The following WDR35 variants were observed in gnomAD, a reference collection of about 807,000 sequenced individuals.
The protein encoded by WDR35 is WD repeat-containing protein 35.
Under a neutral mutation model 158.3 loss-of-function variants are expected in WDR35, and 118 were observed. That is an observed-to-expected ratio of 0.75 (90% CI 0.64 to 0.87). WDR35 has a LOEUF of 0.87. Among genes scored for constraint, WDR35 ranks in the 40% least tolerant of loss-of-function variants. The probability of loss-of-function intolerance (pLI) is 0.00; values close to 1 mark genes in which losing one functional copy is unlikely to be tolerated. For missense variants in WDR35, 1,263 were observed against 1,405.8 expected (o/e 0.90, Z 1.62); for synonymous variants, 448 against 476.1 (o/e 0.94, Z 0.77).
intron 9 of WDR35, among the ~76,000 whole-genome samples, chr2:19,969,001 G>A (rs1335285530): frequency 6.6e-6 from 1 of 152,202 alleles, no homozygotes; most frequent in Non-Finnish European, 1.5e-5. Context: ...AGGTGAGTTG[G>A]AATATTTATT....
rs201084584 is a variant in WDR35, at chr2:19,936,255, T to C, written c.2378A>G (p.Asn793Ser). ...ADDSLLEQAN[N>S]AIGDYFADRQ... ...ATCAGCAAAGTAGTCTCCAATGGCA[T>C]TGTTGGCTTGTTCCAGGAGACTGTC... Residue 793 changes from asparagine to serine, a missense_variant, in exon 20 of 27, where the codon AAT becomes AGT. Transcript: ENST00000281405. The C allele has an allele frequency of 2.5e-6, 4 of 1,614,004 alleles. No homozygotes were observed. Among genetic ancestry groups the C allele is most frequent in the East Asian group, 4.5e-5 (2 of 44,866 alleles).
Position 19,980,725 on chromosome 2 carries a change from T to C in WDR35, c.273A>G (p.Glu91=), listed in dbSNP as rs1558360162. ...ACATCCACACAATGATAAGCCCGTT[T>C]TCATCACTGGTAGTCAACTTCTGAT... ...EQYQKLTTSD[E]NGLIIVWMLY... Residue 91 remains glutamate, a synonymous_variant, in exon 4 of 27, where the codon GAA becomes GAG. Transcript: ENST00000281405. 1.5e-5 allele frequency: 24 copies of C among 1,613,812 alleles called. No homozygotes were observed. The highest frequency in any genetic ancestry group is 2.0e-5 in the Non-Finnish European group (24 of 1,179,800).
At chr2:19,969,626 TAACC>T in intron 8 of WDR35, 21 bp from the exon 9 acceptor site, 1 of 1,611,290 alleles carries the variant, frequency 6.2e-7, no homozygotes, top group Admixed American at 1.7e-5. Context: ...AAGTTATCTT[TAACC>T]TAAAGTATAA....
At chr2:19,928,102 C>A (rs1054623383) in intron 25 of WDR35, among the ~76,000 whole-genome samples, 1 of 152,200 alleles carries the variant, frequency 6.6e-6, no homozygotes, top group Admixed American at 6.5e-5. Flanking sequence ...GGCCATAACA[C>A]CCACTCTGGA....
At chr2:19,917,133 G>C (rs959417692) in intron 25 of WDR35, among the ~76,000 whole-genome samples, 2 of 152,162 alleles carry the variant, frequency 1.3e-5, no homozygotes, top group African/African-American at 4.8e-5. Context: ...AACTCCAGCA[G>C]ACCTGCTGGA....
intron 14 of WDR35, 113 bp from the exon 15 acceptor site, chr2:19,946,683 C>T (rs905259022): frequency 8.4e-5 from 76 of 907,362 alleles, no homozygotes; most frequent in Non-Finnish European, 1.3e-4. Context: ...GATGTCACAG[C>T]AAATTCTCAA....
At chr2:19,948,329 C>A (rs1264825547) in intron 13 of WDR35, 112 bp from the exon 14 acceptor site, 4 of 940,014 alleles carry the variant, frequency 4.3e-6, no homozygotes, top group African/African-American at 1.6e-5. Flanking sequence ...ACTTAACCAA[C>A]ATTTATTTAC....
chr2:19,928,974 T>A (rs1222722515), intron 25 of WDR35, among the ~76,000 whole-genome samples: 1 of 152,066 alleles, frequency 6.6e-6, no homozygotes, highest in Non-Finnish European at 1.5e-5. Context: ...ACCCAGCTGA[T>A]TTTTTTGTAT....
chr2:19,938,999 A>G (rs1216764040), intron 17 of WDR35, among the ~76,000 whole-genome samples: 1 of 152,228 alleles, frequency 6.6e-6, no homozygotes, highest in Non-Finnish European at 1.5e-5. Context: ...TTTACCACTG[A>G]GAGCCTTCTT....
intron 21 of WDR35, 36 bp downstream of exon 21, chr2:19,935,435 C>T: frequency 6.2e-7 from 1 of 1,608,352 alleles, no homozygotes; most frequent in Non-Finnish European, 8.5e-7. Flanking sequence ...ATAAAGTAAC[C>T]TAACAATTCC....
chr2:19,957,780 T>C (rs1304053037), intron 11 of WDR35, among the ~76,000 whole-genome samples: 1 of 152,172 alleles, frequency 6.6e-6, no homozygotes. Context: ...CTTGAACTCC[T>C]GACCTCAGGT....
rs1671231505 is a variant in WDR35 at position 19,951,400 on chromosome 2, A to G, written c.1470+15T>C. 3 of 1,596,610 alleles carry G rather than the reference A, an allele frequency of 1.9e-6. No homozygotes were observed. The highest frequency in any genetic ancestry group is 2.6e-6 in the Non-Finnish European group (3 of 1,167,750). On this transcript the variant is annotated intron_variant, in intron 13 of 26. Transcript: ENST00000281405. ...ACAGATATTAACATTTTCTGGAAAA[A>G]TTAAAATCACCTACTTGAATGGTTT...
At chr2:19,916,805 A>G (rs938289889) in intron 25 of WDR35, among the ~76,000 whole-genome samples, 1 of 152,232 alleles carries the variant, frequency 6.6e-6, no homozygotes, top group Admixed American at 6.5e-5. Flanking sequence ...CGCAGCTCCA[A>G]CAGACTTAAA....
intron 25 of WDR35, among the ~76,000 whole-genome samples, chr2:19,917,698 A>T (rs1670031838): frequency 6.6e-6 from 1 of 152,202 alleles, no homozygotes; most frequent in Non-Finnish European, 1.5e-5. Context: ...TTAGAGAAAA[A>T]AGAGTGAAAA....
intron 4 of WDR35, 51 bp downstream of exon 4, chr2:19,980,640 T>A: frequency 6.7e-7 from 1 of 1,497,094 alleles, no homozygotes; most frequent in Non-Finnish European, 9.3e-7. Context: ...AATACTGTGA[T>A]CCAGATGCCA....
chr2:19,974,054 C>T (rs1414625292), intron 7 of WDR35, among the ~76,000 whole-genome samples: 7 of 151,778 alleles, frequency 4.6e-5, no homozygotes, highest in Non-Finnish European at 8.8e-5. Flanking sequence ...GCCAAGAACG[C>T]ACCACTGCAC....
chr2:19,964,632 C>A (rs973658655), intron 10 of WDR35, among the ~76,000 whole-genome samples: 1 of 151,962 alleles, frequency 6.6e-6, no homozygotes, highest in South Asian at 2.1e-4. Flanking sequence ...AATCTGCCCA[C>A]CTCGGCCTCC....
chr2:19,915,624 CAT>C (rs987961680), intron 25 of WDR35, among the ~76,000 whole-genome samples: 2 of 151,446 alleles, frequency 1.3e-5, no homozygotes, highest in Non-Finnish European at 2.9e-5. Flanking sequence ...ATAAAATAAA[CAT>C]AAAAATAATT....
At chr2:19,971,644 A>G (rs1238292445) in intron 8 of WDR35, among the ~76,000 whole-genome samples, 2 of 152,230 alleles carry the variant, frequency 1.3e-5, no homozygotes, top group East Asian at 3.8e-4. Context: ...AATGGAAGAA[A>G]AAAACTCAAA....
Sources: allele counts gnomAD v4.1 joint callset (sites outside exome capture counted in the v4.1 genomes callset), GRCh38; gene constraint gnomAD v4.1.1; transcripts MANE v1.5; gene names NCBI Gene and HGNC (gene_info 2026-07-23, HGNC 2026-07-21).